ARHGEF7: variants seen among roughly 807,000 people sequenced by gnomAD.
ARHGEF7 encodes the protein Rho guanine nucleotide exchange factor 7.
A neutral mutation model predicts 109.8 loss-of-function variants in ARHGEF7; 33 were observed. The ratio of observed to expected loss-of-function variants is 0.30; its 90% confidence interval spans 0.23 to 0.40. The LOEUF (loss-of-function observed/expected upper bound fraction) is 0.40, where lower values mean the gene tolerates loss of function less well. Ranked by LOEUF, ARHGEF7 falls within the 10% of genes least tolerant of loss-of-function variation. The probability of loss-of-function intolerance (pLI) is 1.00; values close to 1 mark genes in which losing one functional copy is unlikely to be tolerated. For synonymous variants in ARHGEF7, 458 were observed against 424.6 expected, an observed-to-expected ratio of 1.08 and a Z score of -0.97; for missense variants, 938 against 1,098.5, an observed-to-expected ratio of 0.85 and a Z score of 2.07.
intron 2 of ARHGEF7, among the ~76,000 whole-genome samples, chr13:111,204,548 C>A (rs1008664499): frequency 6.6e-6 from 1 of 152,166 alleles, no homozygotes; most frequent in Admixed American, 6.5e-5. Flanking sequence ...GCGTTCTAGA[C>A]ACTAGTTGCC....
intron 1 of ARHGEF7, among the ~76,000 whole-genome samples, chr13:111,128,907 G>T (rs1269071398): frequency 1.3e-5 from 2 of 152,166 alleles, no homozygotes; most frequent in African/African-American, 4.8e-5. Context: ...GAAAGGCAAA[G>T]GGCCTAGAAA....
In ARHGEF7 at chr13:111,209,964, C is replaced by A. The variant is rs186440416; in HGVS notation, c.430C>A (p.Arg144=). The A allele has an allele frequency of 1.2e-6, 2 of 1,614,038 alleles. No individual in the cohort carries two copies. Among genetic ancestry groups the A allele is most frequent in the African/African-American group, 2.7e-5 (2 of 74,904 alleles). The change falls in exon 4 of 22, where the codon CGG becomes AGG. Residue 144 remains arginine, a synonymous_variant. Transcript: ENST00000646102. ...CCTTGGATCACAGTCTTTGCACACT[C>A]GGACTTCAAAACTGTTCCAGGGCCA... ...DSLGSQSLHT[R]TSKLFQGQYR...
At chr13:111,207,360 G>A (rs2082015085) in intron 3 of ARHGEF7, among the ~76,000 whole-genome samples, 3 of 152,132 alleles carry the variant, frequency 2.0e-5, no homozygotes, top group Admixed American at 2.0e-4. Context: ...TAGAGATGGG[G>A]TTTCGCTGTG....
intron 2 of ARHGEF7, among the ~76,000 whole-genome samples, chr13:111,170,387 C>G (rs1196953564): frequency 6.6e-6 from 1 of 152,250 alleles, no homozygotes; most frequent in Non-Finnish European, 1.5e-5. Context: ...CGTGAGCCAC[C>G]GTGCCTGGCG....
chr13:111,292,328 A>G lies in ARHGEF7; in HGVS notation c.2311+34A>G, dbSNP rs761637214. On this transcript the variant is annotated intron_variant, in intron 19 of 21. Coordinates refer to ENST00000646102, the MANE Select transcript of ARHGEF7 (RefSeq NM_001354046.2). ...TGTTGCTCATATATCTCTCACCAGA[A>G]CTAATGCACTTCTGAGCTTTTCTTA... is the stretch of plus-strand genomic sequence containing the variant. 3 of 1,612,648 alleles carry G rather than the reference A, an allele frequency of 1.9e-6. No homozygotes were observed. The Middle Eastern group carries it at 5.0e-4, about 266-fold the overall frequency.
rs548438273 is a variant in ARHGEF7, at chr13:111,255,866, C to T, written c.950+11572C>T. 6.6e-5 allele frequency among the ~76,000 whole-genome samples: 10 copies of T among 152,016 alleles called. No individual in the cohort carries two copies. The highest frequency in any genetic ancestry group is 6.5e-4 in the Admixed American group (10 of 15,268). On this transcript the variant is annotated intron_variant, in intron 8 of 21. Transcript: ENST00000646102. This position sits in a 1 kb window ranked among gnomAD's most constrained non-coding sequence, Gnocchi z 4.1. Reference sequence around the variant, plus strand: ...AGTGCTGCGTTTCTCTTGGCTCTGTCGTTTGGGGATGTCTGACAGGCAGTT... The same window carrying T: ...AGTGCTGCGTTTCTCTTGGCTCTGTTGTTTGGGGATGTCTGACAGGCAGTT...
At chr13:111,260,219 CCAAA>C (rs999953168) in intron 8 of ARHGEF7, among the ~76,000 whole-genome samples, 2 of 152,086 alleles carry the variant, frequency 1.3e-5, no homozygotes, top group Admixed American at 6.6e-5. Flanking sequence ...AGATAGCTTC[CCAAA>C]CAGAGAGAAA....
intron 2 of ARHGEF7, among the ~76,000 whole-genome samples, chr13:111,200,593 C>T (rs2081106594): frequency 1.3e-5 from 2 of 152,152 alleles, no homozygotes; most frequent in Admixed American, 6.5e-5. Flanking sequence ...GGAGACTTAT[C>T]CACCCTGCAG....
intron 2 of ARHGEF7, among the ~76,000 whole-genome samples, chr13:111,190,479 G>A (rs1463166008): frequency 6.6e-6 from 1 of 152,132 alleles, no homozygotes; most frequent in Non-Finnish European, 1.5e-5. Context: ...GAGAGTCACT[G>A]CTGCCAAAGA....
At chr13:111,153,608 G>T (rs1025923527) in intron 1 of ARHGEF7, 3 of 1,157,648 alleles carry the variant, frequency 2.6e-6, no homozygotes, top group Non-Finnish European at 3.2e-6. Context: ...ATCCGAAGAC[G>T]TCCCGCGCGG....
chr13:111,194,595 C>T (rs975046669), intron 2 of ARHGEF7, among the ~76,000 whole-genome samples: 1 of 152,204 alleles, frequency 6.6e-6, no homozygotes, highest in African/African-American at 2.4e-5. Context: ...TGCCTTGTTC[C>T]CTTGATCAGC....
At chr13:111,296,603 A>T (rs887079241) in intron 19 of ARHGEF7, among the ~76,000 whole-genome samples, 1 of 152,232 alleles carries the variant, frequency 6.6e-6, no homozygotes, top group East Asian at 1.9e-4. Context: ...TGTTTTGTGT[A>T]TGTGGTTATA....
At chr13:111,203,029 G>A in intron 2 of ARHGEF7, 2 of 1,247,128 alleles carry the variant, frequency 1.6e-6, no homozygotes, top group South Asian at 1.4e-5. Context: ...AAGTAAGAAA[G>A]ATATATAGTT....
chr13:111,227,355 T>C (rs887457276), intron 5 of ARHGEF7, among the ~76,000 whole-genome samples: 20 of 152,336 alleles, frequency 1.3e-4, no homozygotes, highest in African/African-American at 4.6e-4. Flanking sequence ...GCACACTTCA[T>C]TGTCTTGTTT....
At chr13:111,287,495 G>GTT (rs2093071433) in intron 17 of ARHGEF7, among the ~76,000 whole-genome samples, 1 of 152,226 alleles carries the variant, frequency 6.6e-6, no homozygotes, top group Admixed American at 6.5e-5. Flanking sequence ...AGAGATCCCT[G>GTT]TTCTCATAGA....
intron 1 of ARHGEF7, among the ~76,000 whole-genome samples, chr13:111,142,911 C>A (rs905646916): frequency 6.6e-6 from 1 of 152,210 alleles, no homozygotes; most frequent in South Asian, 2.1e-4. Flanking sequence ...CTTGAACTTG[C>A]ATTAAACACA....
rs1211327069 is a variant in ARHGEF7, at chr13:111,198,915, T to C, written c.253-6374T>C. On this transcript the variant is annotated intron_variant, in intron 2 of 21. Transcript: ENST00000646102. ...CTCTGATTGGTGCATTTTTACAGAG[T>C]GCTGATTGGTGTGTTTACAAACCTT... Among the ~76,000 whole-genome samples, 3 of 152,084 alleles carry C rather than the reference T, an allele frequency of 2.0e-5. No individual in the cohort carries two copies. In the South Asian group the frequency reaches 6.2e-4, roughly 32 times the overall value.
intron 1 of ARHGEF7, among the ~76,000 whole-genome samples, chr13:111,136,733 A>G (rs1006045079): frequency 2.6e-5 from 4 of 152,246 alleles, no homozygotes; most frequent in African/African-American, 9.6e-5. Flanking sequence ...AAGGCAAGAA[A>G]TAACTAAGAT....
intron 2 of ARHGEF7, among the ~76,000 whole-genome samples, chr13:111,168,423 T>G (rs2077308774): frequency 6.6e-6 from 1 of 152,184 alleles, no homozygotes; most frequent in Non-Finnish European, 1.5e-5. Flanking sequence ...CATGCTGCCT[T>G]GAGGATAAAC....
Sources: gnomAD v4.1 joint callset for allele counts (sites outside exome capture counted in the v4.1 genomes callset) on GRCh38, gnomAD v4.1.1 for gene constraint, Gnocchi (gnomAD v3.1) non-coding constraint, MANE v1.5 for transcripts, NCBI Gene and HGNC (gene_info 2026-07-23, HGNC 2026-07-21) for gene names.